GSK3B: variants seen among roughly 807,000 people sequenced by gnomAD.
GSK3B encodes glycogen synthase kinase 3 beta, also known as glycogen synthase kinase-3 beta.
A neutral mutation model predicts 56.4 loss-of-function variants in GSK3B; 15 were observed. The ratio of observed to expected loss-of-function variants is 0.27; its 90% CI spans 0.18 to 0.41. The LOEUF (loss-of-function observed/expected upper bound fraction) is 0.41, where lower values mean the gene tolerates loss of function less well. GSK3B is among the 10% of genes least tolerant of loss of function. The probability of loss-of-function intolerance (pLI) is 1.00; values close to 1 mark genes in which losing one functional copy is unlikely to be tolerated. For missense variants in GSK3B, 300 were observed against 513.4 expected (o/e 0.58, Z 4.02); for synonymous variants, 181 against 188.9 (o/e 0.96, Z 0.34).
chr3:119,861,526 A>AAAAC lies in GSK3B; in HGVS notation c.1096+1889_1096+1892dup, dbSNP rs201757793. Among the ~76,000 whole-genome samples the AAAAC allele has an allele frequency of 2.8e-3, 428 of 151,358 alleles. 1 individual carries two copies. The highest frequency in any genetic ancestry group is 9.6e-3 in the African/African-American group (395 of 41,228). ...ACTCCGTCTCAAAAAAAAAAAAAAC[A>AAAAC]AAACAAACAAACAAACAAACAAAAA... On this transcript the variant is annotated intron_variant, in intron 9 of 10. Transcript: ENST00000264235.
In GSK3B at chr3:119,955,165, AAAGCATTT is replaced by A. The variant is rs1260049358; in HGVS notation, c.283-7822_283-7815del. 2.0e-5 allele frequency among the ~76,000 whole-genome samples: 3 copies of A among 152,220 alleles called. No homozygotes were observed. In the East Asian group the frequency reaches 5.8e-4, roughly 29 times the overall value. ...CATCCTTAGTCATCATAAGACTCAAAAAGCATTTAATTCATCTCTAAATCTTTGATTTC... is the reference window on the plus strand; with the variant it reads ...CATCCTTAGTCATCATAAGACTCAAAAATTCATCTCTAAATCTTTGATTTC... On this transcript the variant is annotated intron_variant, in intron 2 of 10. Coordinates refer to ENST00000264235, the MANE Select transcript of GSK3B (RefSeq NM_001146156.2).
intron 7 of GSK3B, among the ~76,000 whole-genome samples, chr3:119,890,678 C>T (rs2056491654): frequency 6.7e-6 from 1 of 149,916 alleles, no homozygotes; most frequent in Non-Finnish European, 1.5e-5. Flanking sequence ...ATTTACTAAA[C>T]TGTCATTTAA....
At chr3:119,910,528 T>C (rs1392126262) in intron 6 of GSK3B, among the ~76,000 whole-genome samples, 1 of 152,248 alleles carries the variant, frequency 6.6e-6, no homozygotes, top group East Asian at 1.9e-4. Flanking sequence ...GTAATCTTTT[T>C]GCTGGCAGAG....
intron 1 of GSK3B, among the ~76,000 whole-genome samples, chr3:120,054,877 T>C (rs527330979): frequency 1.3e-5 from 2 of 152,336 alleles, no homozygotes; most frequent in Admixed American, 6.5e-5. Context: ...TTGTTGGAAG[T>C]AGGGCTTATT....
intron 10 of GSK3B, among the ~76,000 whole-genome samples, chr3:119,840,705 G>A (rs540792735): frequency 3.8e-4 from 58 of 152,192 alleles, no homozygotes; most frequent in Admixed American, 2.2e-3. Context: ...CTACTGCAGC[G>A]CCATAGAAAA....
At chr3:119,932,671 C>T (rs1171971407) in intron 3 of GSK3B, among the ~76,000 whole-genome samples, 1 of 151,262 alleles carries the variant, frequency 6.6e-6, no homozygotes, top group Admixed American at 6.6e-5. Flanking sequence ...CTCACACAAA[C>T]CCAGTAAAAA....
intron 2 of GSK3B, among the ~76,000 whole-genome samples, chr3:119,968,671 T>C (rs1366683539): frequency 6.6e-6 from 1 of 152,022 alleles, no homozygotes; most frequent in East Asian, 1.9e-4. Flanking sequence ...AGAAAATAGA[T>C]GCTACAAAGC....
chr3:120,010,383 A>G (rs1176786888), intron 1 of GSK3B, among the ~76,000 whole-genome samples: 1 of 152,186 alleles, frequency 6.6e-6, no homozygotes, highest in East Asian at 1.9e-4. Flanking sequence ...AAACAGAATC[A>G]CAGTCTTCTG....
intron 1 of GSK3B, among the ~76,000 whole-genome samples, chr3:120,056,635 G>C (rs950185434): frequency 6.6e-6 from 1 of 152,102 alleles, no homozygotes; most frequent in Non-Finnish European, 1.5e-5. Context: ...CACTGTGCCT[G>C]ACCAGAGGTT....
intron 1 of GSK3B, among the ~76,000 whole-genome samples, chr3:120,084,412 A>G (rs902277660): frequency 2.6e-4 from 40 of 152,208 alleles, no homozygotes; most frequent in Non-Finnish European, 5.4e-4. Flanking sequence ...GTCATAGCCA[A>G]TGTTGCTTCT....
intron 8 of GSK3B, among the ~76,000 whole-genome samples, chr3:119,875,957 C>T (rs992646989): frequency 4.0e-5 from 6 of 151,794 alleles, no homozygotes; most frequent in Non-Finnish European, 8.8e-5. Flanking sequence ...TTCCAAAATG[C>T]CAGTAGGAAA....
chr3:119,857,598 C>CGG (rs1395054252), intron 9 of GSK3B, among the ~76,000 whole-genome samples: 1 of 152,222 alleles, frequency 6.6e-6, no homozygotes, highest in Non-Finnish European at 1.5e-5. Context: ...GTGACTTCCT[C>CGG]CACTGAAGTC....
chr3:119,917,716 G>A (rs958335070), intron 4 of GSK3B, among the ~76,000 whole-genome samples: 44 of 147,894 alleles, frequency 3.0e-4, no homozygotes, highest in African/African-American at 1.1e-3. Context: ...ATTTTAAGAT[G>A]TCTTTTTACT....
At chr3:119,982,685 A>G (rs919234500) in intron 2 of GSK3B, among the ~76,000 whole-genome samples, 2 of 152,200 alleles carry the variant, frequency 1.3e-5, no homozygotes, top group African/African-American at 4.8e-5. Context: ...AAATGAATAA[A>G]GCCTCCAAGA....
intron 2 of GSK3B, among the ~76,000 whole-genome samples, chr3:119,956,786 C>G (rs902120200): frequency 4.6e-5 from 7 of 152,040 alleles, no homozygotes; most frequent in African/African-American, 1.2e-4. Flanking sequence ...GAAAAGGAAT[C>G]AATACAAGAG....
chr3:119,931,789 T>C (rs915585557), intron 3 of GSK3B, among the ~76,000 whole-genome samples: 27 of 152,122 alleles, frequency 1.8e-4, no homozygotes, highest in Non-Finnish European at 1.5e-4. Flanking sequence ...CAGAAGTCCT[T>C]TGAAAGGAAT....
intron 10 of GSK3B, among the ~76,000 whole-genome samples, chr3:119,833,917 C>T (rs1273368686): frequency 6.6e-6 from 1 of 151,854 alleles, no homozygotes; most frequent in Non-Finnish European, 1.5e-5. Flanking sequence ...AGGCTGGTCT[C>T]GAACTCCTGG....
chr3:119,981,275 T>C (rs1405867146), intron 2 of GSK3B, among the ~76,000 whole-genome samples: 1 of 152,226 alleles, frequency 6.6e-6, no homozygotes. Flanking sequence ...GCTCCCAGCA[T>C]GATCGACGCA....
At chr3:120,026,702 C>T (rs1002766875) in intron 1 of GSK3B, among the ~76,000 whole-genome samples, 5 of 150,886 alleles carry the variant, frequency 3.3e-5, no homozygotes, top group Non-Finnish European at 4.4e-5. Flanking sequence ...GGATTACAGG[C>T]GCGCACCACC....
Sources: gnomAD v4.1 joint callset for allele counts (sites outside exome capture counted in the v4.1 genomes callset) on GRCh38, gnomAD v4.1.1 for gene constraint, MANE v1.5 for transcripts, NCBI Gene and HGNC (gene_info 2026-07-23, HGNC 2026-07-21) for gene names.